RAD51AP1: variants seen among roughly 807,000 people sequenced by gnomAD.
RAD51AP1 encodes RAD51 associated protein 1.
Under a neutral mutation model 34.3 loss-of-function variants are expected in RAD51AP1, and 14 were observed. That is an observed-to-expected ratio of 0.41 (90% CI 0.27 to 0.64). The LOEUF is 0.64. Among genes scored for constraint, RAD51AP1 ranks in the 30% least tolerant of loss-of-function variants. The pLI, the probability that RAD51AP1 is intolerant of heterozygous loss-of-function variation, is 0.33. For synonymous variants in RAD51AP1, 114 were observed against 129.8 expected, an observed-to-expected ratio of 0.88 and a Z score of 0.83; for missense variants, 348 against 386.9, an observed-to-expected ratio of 0.90 and a Z score of 0.84.
chr12:4,550,014 A>G (rs896859508), intron 6 of RAD51AP1, among the ~76,000 whole-genome samples: 1 of 152,236 alleles, frequency 6.6e-6, no homozygotes, highest in African/African-American at 2.4e-5. Context: ...GAGAATAGAA[A>G]GGACCATGTG....
intron 1 of RAD51AP1, 133 bp downstream of exon 1, chr12:4,539,089 G>A: frequency 1.0e-6 from 1 of 970,798 alleles, no homozygotes; most frequent in East Asian, 2.5e-5. Context: ...CAAGAACCCA[G>A]TCTCCAGTGA....
chr12:4,541,166 T>C (rs912630483), intron 1 of RAD51AP1, among the ~76,000 whole-genome samples: 4 of 152,160 alleles, frequency 2.6e-5, no homozygotes, highest in African/African-American at 9.6e-5. Context: ...TCAAAGGAAA[T>C]GTTCATTGGA....
chr12:4,539,734 G>T (rs1009960781), intron 1 of RAD51AP1, among the ~76,000 whole-genome samples: 8 of 152,192 alleles, frequency 5.3e-5, no homozygotes, highest in Non-Finnish European at 8.8e-5. Flanking sequence ...TTTAGGGACA[G>T]TCTAATGCTA....
chr12:4,547,644 GTTA>G (rs1190007399), intron 4 of RAD51AP1, among the ~76,000 whole-genome samples: 1 of 152,080 alleles, frequency 6.6e-6, no homozygotes, highest in Non-Finnish European at 1.5e-5. Flanking sequence ...TCATTTTAAG[GTTA>G]TTATAACGAT....
Position 4,546,380 on chromosome 12 carries a change from C to T in RAD51AP1, c.281C>T (p.Pro94Leu). ...CTAGCTTTATCAGTGAAGGAACTTC[C>T]AACAGTCACCACTAATGTGCAGAAC... Reference protein sequence around the residue: ...VALALSVKELPTVTTNVQNSQ... With the variant: ...VALALSVKELLTVTTNVQNSQ... Residue 94 changes from proline to leucine, a missense_variant, in exon 4 of 9, where the codon CCA becomes CTA. Pro to Leu is a moderately conservative substitution (Grantham distance 98, BLOSUM62 -3). Transcript: ENST00000352618. The T allele has an allele frequency of 6.2e-7, 1 of 1,612,668 alleles. No individual in the cohort carries two copies. Among genetic ancestry groups the T allele is most frequent in the South Asian group, 1.1e-5 (1 of 90,984 alleles).
chr12:4,549,921 C>T (rs1291930669), intron 6 of RAD51AP1, among the ~76,000 whole-genome samples: 1 of 152,166 alleles, frequency 6.6e-6, no homozygotes, highest in Non-Finnish European at 1.5e-5. Context: ...GTGTTCATAG[C>T]AGCATTATTC....
chr12:4,545,434 G>A (rs1486438759), intron 3 of RAD51AP1: 10 of 294,418 alleles, frequency 3.4e-5, no homozygotes, highest in Non-Finnish European at 6.0e-5. Context: ...ATGCTAATGG[G>A]TATGGGGTTT....
In RAD51AP1 at chr12:4,559,459, A is replaced by G. The variant is rs1944606253; in HGVS notation, c.*466A>G. On this transcript the variant is annotated 3_prime_UTR_variant, in exon 9 of 9. Coordinates refer to ENST00000352618, the MANE Select transcript of RAD51AP1 (RefSeq NM_006479.5). ...GCAAAGATGTTTTGTATTTTAGCCAAATCTTTTTATAGTACAAACTTAGAA... is the reference window on the plus strand; with the variant it reads ...GCAAAGATGTTTTGTATTTTAGCCAGATCTTTTTATAGTACAAACTTAGAA... The G allele has an allele frequency of 6.6e-6, 1 of 152,534 alleles. No homozygotes were observed. The highest frequency in any genetic ancestry group is 6.5e-5 in the Admixed American group (1 of 15,300). 9.4% of individuals were successfully genotyped at this position (152,534 alleles called of 1,614,324 possible).
chr12:4,551,593 A>G (rs1944547647), intron 6 of RAD51AP1, among the ~76,000 whole-genome samples: 1 of 152,126 alleles, frequency 6.6e-6, no homozygotes, highest in Non-Finnish European at 1.5e-5. Flanking sequence ...AATTGACTCA[A>G]CTGCTTCAGC....
At chr12:4,554,777 G>T (rs1184770952) in intron 7 of RAD51AP1, among the ~76,000 whole-genome samples, 2 of 152,148 alleles carry the variant, frequency 1.3e-5, no homozygotes, top group Admixed American at 1.3e-4. Context: ...TAAACTTTGC[G>T]AATTGTGTCT....
At chr12:4,539,467 A>G (rs558574724) in intron 1 of RAD51AP1, among the ~76,000 whole-genome samples, 2 of 152,314 alleles carry the variant, frequency 1.3e-5, no homozygotes, top group Non-Finnish European at 2.9e-5. Context: ...AGTGCCATGG[A>G]AGCCTATAGT....
At chr12:4,548,600 A>T in intron 5 of RAD51AP1, 87 bp from the exon 6 acceptor site, 1 of 1,438,586 alleles carries the variant, frequency 7.0e-7, no homozygotes, top group Non-Finnish European at 9.5e-7. Context: ...AAATAAAAAC[A>T]ATAGCTGTAA....
intron 2 of RAD51AP1, 87 bp from the exon 3 acceptor site, chr12:4,543,676 C>A: frequency 1.2e-6 from 1 of 845,796 alleles, no homozygotes; most frequent in Non-Finnish European, 1.7e-6. Context: ...TTTGCCTAGC[C>A]TATAAAAACT....
chr12:4,552,812 C>T (rs1255653797), intron 6 of RAD51AP1, among the ~76,000 whole-genome samples, 171 bp from the exon 7 acceptor site: 1 of 152,182 alleles, frequency 6.6e-6, no homozygotes, highest in Non-Finnish European at 1.5e-5. Context: ...AGTTAGTGAC[C>T]TGTCTGAGGA....
chr12:4,556,791 G>A (rs1356705648), intron 8 of RAD51AP1, among the ~76,000 whole-genome samples: 3 of 152,124 alleles, frequency 2.0e-5, no homozygotes, highest in African/African-American at 7.2e-5. Flanking sequence ...AAAATTTCTA[G>A]TAGGAAAATT....
In RAD51AP1 at chr12:4,548,761, G is replaced by A; in HGVS notation, c.481G>A (p.Ala161Thr). ...AAGAAAAGCAGCATCTAAAGCTGCA[G>A]CACAGCAGAGGAAGATTCTTCTGGA... ...GKRKAASKAA[A>T]QQRKILLEGS... Residue 161 changes from alanine to threonine, a missense_variant, in exon 6 of 9, where the codon GCA becomes ACA. Physicochemically the swap from Ala to Thr is moderately conservative, Grantham distance 58. Transcript: ENST00000352618. 4 of 1,614,058 alleles carry A rather than the reference G, an allele frequency of 2.5e-6. No homozygotes were observed. In the South Asian group the frequency reaches 4.4e-5, roughly 18 times the overall value.
intron 3 of RAD51AP1, 41 bp downstream of exon 3, chr12:4,543,945 T>A (rs746142285): frequency 6.6e-7 from 1 of 1,506,184 alleles, no homozygotes; most frequent in Non-Finnish European, 9.0e-7. Flanking sequence ...ACATTAGATG[T>A]GTTAATTTTA....
At chr12:4,553,171 ATTT>A in intron 7 of RAD51AP1, 24 bp downstream of exon 7, 1 of 1,472,044 alleles carries the variant, frequency 6.8e-7, no homozygotes, top group Non-Finnish European at 9.0e-7. Flanking sequence ...AAAACACTTA[ATTT>A]TATAAAGGAA....
intron 1 of RAD51AP1, among the ~76,000 whole-genome samples, chr12:4,541,318 G>C (rs1162317901): frequency 6.6e-6 from 1 of 152,160 alleles, no homozygotes; most frequent in Non-Finnish European, 1.5e-5. Flanking sequence ...ATCTCAGGTG[G>C]TAGGAACAAG....
Sources: allele counts gnomAD v4.1 joint callset (sites outside exome capture counted in the v4.1 genomes callset), GRCh38; gene constraint gnomAD v4.1.1; transcripts MANE v1.5; gene names NCBI Gene and HGNC (gene_info 2026-07-23, HGNC 2026-07-21).